PXDNL: variants seen among roughly 807,000 people sequenced by gnomAD.
PXDNL encodes the protein probable oxidoreductase PXDNL.
In PXDNL, 145 loss-of-function variants were observed where a neutral mutation model predicts 150.8. That is an observed-to-expected ratio of 0.96 (90% confidence interval 0.84 to 1.10). The LOEUF (loss-of-function observed/expected upper bound fraction) is 1.10. Among genes scored for constraint, PXDNL ranks in the 50% least tolerant of loss-of-function variants. The pLI, the probability that PXDNL is intolerant of heterozygous loss-of-function variation, is 0.00. For synonymous variants in PXDNL, 757 were observed against 725.7 expected, an observed-to-expected ratio of 1.04 and a Z score of -0.69; for missense variants, 2,087 against 1,873.9, an observed-to-expected ratio of 1.11 and a Z score of -2.10.
intron 2 of PXDNL, among the ~76,000 whole-genome samples, chr8:51,598,576 C>T (rs555312330): frequency 5.9e-5 from 9 of 152,074 alleles, no homozygotes; most frequent in Non-Finnish European, 1.3e-4. Flanking sequence ...AATCTTGAAT[C>T]CCAGAAATGA....
chr8:51,628,683 G>T (rs962561060), intron 2 of PXDNL, among the ~76,000 whole-genome samples: 3 of 151,698 alleles, frequency 2.0e-5, no homozygotes, highest in African/African-American at 7.3e-5. Context: ...GATTACAGAC[G>T]TGAGCCACCA....
chr8:51,514,033 AGAG>A (rs1489333695), intron 4 of PXDNL, among the ~76,000 whole-genome samples: 2 of 152,238 alleles, frequency 1.3e-5, no homozygotes, highest in African/African-American at 4.8e-5. Context: ...TATACAAATT[AGAG>A]GAGGACATTC....
In PXDNL at chr8:51,586,525, A is replaced by C. The variant is rs76912575; in HGVS notation, c.308+6102T>G. On this transcript the variant is annotated intron_variant, in intron 3 of 22. Coordinates refer to ENST00000356297, the MANE Select transcript of PXDNL (RefSeq NM_144651.5). ...CACTCATTTTGTTAAGATTGTCATT[A>C]AAACCCAGTGAGTGAGAGATTTCAG... Among the ~76,000 whole-genome samples, 1,005 of 152,314 alleles carry C rather than the reference A, an allele frequency of 6.6e-3. 12 individuals are homozygous for C. The highest frequency in any genetic ancestry group is 0.023 in the African/African-American group (959 of 41,566).
At chr8:51,446,881 TTAGATCATATGAC>T (rs1809688403) in intron 12 of PXDNL, 110 bp downstream of exon 12, 2 of 631,602 alleles carry the variant, frequency 3.2e-6, no homozygotes, top group African/African-American at 3.8e-5. Flanking sequence ...TTTGCATTTC[TTAGATCATATGAC>T]TATATATATA....
chr8:51,653,272 G>T (rs576117454), intron 2 of PXDNL, among the ~76,000 whole-genome samples: 58 of 152,262 alleles, frequency 3.8e-4, no homozygotes, highest in African/African-American at 1.3e-3. Context: ...ACAAAAATTA[G>T]CCGGGCATGG....
At chr8:51,345,773 G>T in intron 20 of PXDNL, 60 bp downstream of exon 20, 2 of 981,798 alleles carry the variant, frequency 2.0e-6, no homozygotes, top group Non-Finnish European at 3.2e-6. Flanking sequence ...AAAACAAATT[G>T]TAGGTTTGAA....
chr8:51,401,152 T>C (rs549268223), intron 17 of PXDNL, among the ~76,000 whole-genome samples: 3 of 152,336 alleles, frequency 2.0e-5, no homozygotes, highest in East Asian at 3.9e-4. Flanking sequence ...GCAGAAATAC[T>C]GTGCAATGAA....
In PXDNL at chr8:51,648,344, A is replaced by G. The variant is rs182606993; in HGVS notation, c.236+6345T>C. ...TTATTCAGAGTGGGCCCTTAATCCA[A>G]TCACAACTATCCCTGTAAAAGAGAG... On this transcript the variant is annotated intron_variant, in intron 2 of 22. Coordinates refer to ENST00000356297, the MANE Select transcript of PXDNL (RefSeq NM_144651.5). 5.4e-4 allele frequency among the ~76,000 whole-genome samples: 82 copies of G among 152,360 alleles called. 1 individual carries two copies. In the East Asian group the frequency reaches 0.012, roughly 23 times the overall value.
At chr8:51,481,549 T>C (rs551552733) in intron 6 of PXDNL, among the ~76,000 whole-genome samples, 15 of 152,212 alleles carry the variant, frequency 9.9e-5, no homozygotes, top group African/African-American at 3.6e-4. Context: ...GGGGAAAATG[T>C]CTCCAGGGTA....
At chr8:51,358,701 T>C (rs2130742931) in intron 19 of PXDNL, among the ~76,000 whole-genome samples, 1 of 152,142 alleles carries the variant, frequency 6.6e-6, no homozygotes, top group Middle Eastern at 3.4e-3. Flanking sequence ...TCACAGGGAT[T>C]TGGGAGCACG....
At chr8:51,491,976 C>T (rs536233319) in intron 5 of PXDNL, among the ~76,000 whole-genome samples, 1 of 152,074 alleles carries the variant, frequency 6.6e-6, no homozygotes, top group Non-Finnish European at 1.5e-5. Flanking sequence ...TACCTCATTT[C>T]ATATTCATGA....
chr8:51,496,924 G>GA (rs1382298056), intron 5 of PXDNL, among the ~76,000 whole-genome samples: 2 of 152,058 alleles, frequency 1.3e-5, no homozygotes, highest in Non-Finnish European at 2.9e-5. Context: ...CACAGAATTG[G>GA]AAAAAACTAC....
chr8:51,329,053 T>G (rs1805602327), intron 21 of PXDNL, among the ~76,000 whole-genome samples: 1 of 152,132 alleles, frequency 6.6e-6, no homozygotes, highest in Admixed American at 6.5e-5. Context: ...GTGAAATCAA[T>G]TAGCTGCACA....
chr8:51,378,087 A>G (rs111985793), intron 17 of PXDNL, among the ~76,000 whole-genome samples: 6,821 of 152,076 alleles, frequency 0.045, 483 homozygotes, highest in African/African-American at 0.16. Flanking sequence ...TGCACTAATC[A>G]GCACTCTGTA....
intron 3 of PXDNL, among the ~76,000 whole-genome samples, chr8:51,584,556 T>C (rs974218776): frequency 7.9e-5 from 12 of 152,154 alleles, no homozygotes; most frequent in Non-Finnish European, 7.3e-5. Flanking sequence ...AAATAAGTGA[T>C]CTGTTATGTG....
At chr8:51,785,949 T>C (rs1234130460) in intron 1 of PXDNL, among the ~76,000 whole-genome samples, 1 of 152,170 alleles carries the variant, frequency 6.6e-6, no homozygotes, top group Non-Finnish European at 1.5e-5. Context: ...CTCACTCTCT[T>C]CAATTTTGTG....
At chr8:51,790,625 A>G (rs1470283750) in intron 1 of PXDNL, among the ~76,000 whole-genome samples, 3 of 151,992 alleles carry the variant, frequency 2.0e-5, no homozygotes, top group Non-Finnish European at 4.4e-5. Flanking sequence ...ACGTGGGCCC[A>G]TGCCGGAGTC....
At chr8:51,701,810 A>T (rs1816263607) in intron 1 of PXDNL, among the ~76,000 whole-genome samples, 1 of 37,856 alleles carries the variant, frequency 2.6e-5, no homozygotes, top group Non-Finnish European at 4.3e-5. Flanking sequence ...AAGATTTTTC[A>T]GACATTTTCG....
At chr8:51,456,995 C>T (rs1809950858) in intron 9 of PXDNL, among the ~76,000 whole-genome samples, 1 of 152,148 alleles carries the variant, frequency 6.6e-6, no homozygotes, top group East Asian at 1.9e-4. Context: ...TGTCAACATG[C>T]TATTAATGAA....
Sources: allele counts gnomAD v4.1 joint callset (sites outside exome capture counted in the v4.1 genomes callset), GRCh38; gene constraint gnomAD v4.1.1; transcripts MANE v1.5; gene names NCBI Gene and HGNC (gene_info 2026-07-23, HGNC 2026-07-21).